Variants in THSD7B observed in about 807,000 individuals in gnomAD.
THSD7B encodes thrombospondin type 1 domain containing 7B.
THSD7B carries 138 observed loss-of-function variants against 213.6 expected under a neutral mutation model. The ratio of observed to expected loss-of-function variants is 0.65; its 90% CI spans 0.56 to 0.74. The LOEUF is 0.74. THSD7B is among the 30% of genes least tolerant of loss of function. The pLI is 0.00. For missense variants in THSD7B, 1,931 were observed against 1,991.5 expected, an observed-to-expected ratio of 0.97 and a Z score of 0.58; for synonymous variants, 742 against 687.0, an observed-to-expected ratio of 1.08 and a Z score of -1.25.
intron 10 of THSD7B, among the ~76,000 whole-genome samples, chr2:137,255,571 C>T (rs1484771827): frequency 1.3e-5 from 2 of 152,170 alleles, no homozygotes; most frequent in East Asian, 1.9e-4. Context: ...CACCCTAATA[C>T]TTTCCACTGC....
rs953784081 is a variant in THSD7B at position 136,912,329 on chromosome 2, A to T, written c.139+30012A>T. On this transcript the variant is annotated intron_variant, in intron 2 of 27. Coordinates refer to ENST00000409968, the MANE Select transcript of THSD7B (RefSeq NM_001316349.2). ...AGAGCGAGACTCCATCTCAAAAAAA[A>T]AAAAAAAAAAAAAAAAAAAGGAGAG... Among the ~76,000 whole-genome samples the T allele has an allele frequency of 3.6e-4, 51 of 139,820 alleles. 1 individual carries two copies. Among genetic ancestry groups the T allele is most frequent in the Admixed American group, 2.7e-3 (38 of 14,028 alleles). 91.7% of individuals were successfully genotyped at this position (139,820 alleles called of 152,430 possible).
chr2:137,106,157 T>C (rs1160756746), intron 4 of THSD7B, among the ~76,000 whole-genome samples: 1 of 152,166 alleles, frequency 6.6e-6, no homozygotes, highest in Non-Finnish European at 1.5e-5. Context: ...ACTACAAGGC[T>C]ACAGTAACCA....
intron 3 of THSD7B, among the ~76,000 whole-genome samples, chr2:137,073,101 G>A (rs1260425612): frequency 2.0e-5 from 3 of 152,136 alleles, no homozygotes; most frequent in Middle Eastern, 3.2e-3. Context: ...TTTGGTATCA[G>A]GATGATGCTG....
intron 17 of THSD7B, among the ~76,000 whole-genome samples, chr2:137,589,919 C>A (rs1017970864): frequency 2.0e-5 from 3 of 152,094 alleles, no homozygotes; most frequent in African/African-American, 7.2e-5. Context: ...TCTTAAGGAA[C>A]AAAAGACTAA....
At chr2:137,336,707 C>G (rs1271303077) in intron 12 of THSD7B, among the ~76,000 whole-genome samples, 1 of 152,076 alleles carries the variant, frequency 6.6e-6, no homozygotes, top group Non-Finnish European at 1.5e-5. Context: ...GAAGAGAATA[C>G]CACAAACAGT....
At chr2:137,334,194 C>CTCTCTT (rs1558761558) in intron 12 of THSD7B, among the ~76,000 whole-genome samples, 2 of 137,972 alleles carry the variant, frequency 1.4e-5, no homozygotes, top group African/African-American at 5.2e-5. Context: ...CTCTCTCTCT[C>CTCTCTT]TCTCTCTTTC....
intron 10 of THSD7B, among the ~76,000 whole-genome samples, chr2:137,259,243 T>A (rs1682384206): frequency 6.6e-6 from 1 of 152,200 alleles, no homozygotes; most frequent in African/African-American, 2.4e-5. Flanking sequence ...TGGTTCTTGA[T>A]CCTTAAGGAA....
intron 1 of THSD7B, among the ~76,000 whole-genome samples, chr2:136,864,347 T>A (rs1332673284): frequency 6.6e-6 from 1 of 152,206 alleles, no homozygotes; most frequent in Non-Finnish European, 1.5e-5. Context: ...ACAGCCTGAA[T>A]AAATGTTCTT....
intron 2 of THSD7B, among the ~76,000 whole-genome samples, chr2:136,979,955 G>T (rs1221522638): frequency 6.6e-6 from 1 of 151,798 alleles, no homozygotes; most frequent in Non-Finnish European, 1.5e-5. Context: ...ATTTTTGTGG[G>T]TTTTTTTGTT....
intron 2 of THSD7B, among the ~76,000 whole-genome samples, chr2:136,927,969 G>C (rs1449050406): frequency 6.6e-6 from 1 of 152,098 alleles, no homozygotes; most frequent in Admixed American, 6.6e-5. Flanking sequence ...AGTGGGAGAG[G>C]GAGATAGGAG....
intron 4 of THSD7B, among the ~76,000 whole-genome samples, chr2:137,102,817 G>A (rs1411468819): frequency 1.3e-5 from 2 of 152,116 alleles, no homozygotes; most frequent in Non-Finnish European, 2.9e-5. Flanking sequence ...ATGAAATAAA[G>A]CATGAAGACA....
At chr2:137,130,373 C>A (rs17418327) in intron 5 of THSD7B, among the ~76,000 whole-genome samples, 11,547 of 151,862 alleles carry the variant, frequency 0.076, 692 homozygotes, top group Non-Finnish European at 0.12. Context: ...CAAGCCTCAC[C>A]TTTTTATTAT....
intron 12 of THSD7B, among the ~76,000 whole-genome samples, chr2:137,352,215 A>G (rs1444547973): frequency 6.6e-6 from 1 of 151,866 alleles, no homozygotes; most frequent in Non-Finnish European, 1.5e-5. Context: ...TTTTCATGTA[A>G]TTATAAATGA....
chr2:136,929,401 A>T (rs1425947122), intron 2 of THSD7B, among the ~76,000 whole-genome samples: 1 of 152,218 alleles, frequency 6.6e-6, no homozygotes, highest in Non-Finnish European at 1.5e-5. Flanking sequence ...AATCAATAGT[A>T]TTAAAGTACG....
chr2:137,499,653 A>C (rs1185574566), intron 15 of THSD7B, among the ~76,000 whole-genome samples: 1 of 152,334 alleles, frequency 6.6e-6, no homozygotes, highest in East Asian at 1.9e-4. Context: ...CGAATTGCTT[A>C]AGTTCTCACC....
chr2:137,144,308 T>C (rs1477192135), intron 5 of THSD7B, among the ~76,000 whole-genome samples: 1 of 152,108 alleles, frequency 6.6e-6, no homozygotes, highest in East Asian at 1.9e-4. Context: ...CTCTCAAATA[T>C]ACATCAAATT....
chr2:137,499,304 A>G (rs1023665856), intron 15 of THSD7B, among the ~76,000 whole-genome samples: 24 of 152,242 alleles, frequency 1.6e-4, no homozygotes, highest in African/African-American at 5.5e-4. Context: ...AATAGTATAC[A>G]GATTGCAGGG....
At chr2:137,596,371 T>G (rs115340824) in intron 17 of THSD7B, among the ~76,000 whole-genome samples, 3,021 of 152,196 alleles carry the variant, frequency 0.02, 44 homozygotes, top group Middle Eastern at 0.071. Context: ...TGTTTTGAAA[T>G]CTGCACACTT....
chr2:137,405,763 C>T lies in THSD7B; in HGVS notation c.2651C>T (p.Ser884Phe), dbSNP rs200693250. 16 of 1,613,394 alleles carry T rather than the reference C, an allele frequency of 9.9e-6. No individual in the cohort carries two copies. In the East Asian group the frequency reaches 2.2e-4, roughly 23 times the overall value. Residue 884 changes from serine (S) to phenylalanine (F), a missense_variant, in exon 13 of 28, where the codon TCC (serine) becomes TTC (phenylalanine). Physicochemically the swap from Ser to Phe is radical, Grantham distance 155. Coordinates refer to ENST00000409968, the MANE Select transcript of THSD7B (RefSeq NM_001316349.2). ...FTAWSKFTPC[S>F]TNCEATKSRR... is the part of the protein sequence containing the mutation. ...GCTTGGTCCAAGTTTACGCCCTGCT[C>T]CACGAACTGTGAAGCCACAAAAAGT...
Sources: allele counts gnomAD v4.1 joint callset (sites outside exome capture counted in the v4.1 genomes callset), GRCh38; gene constraint gnomAD v4.1.1; transcripts MANE v1.5; gene names NCBI Gene and HGNC (gene_info 2026-07-23, HGNC 2026-07-21).